Variants in WAC observed in about 807,000 individuals in gnomAD.
WAC encodes WW domain-containing adapter protein with coiled-coil.
Under a neutral mutation model 79.6 loss-of-function variants are expected in WAC, and 11 were observed. The ratio of observed to expected loss-of-function variants is 0.14; its 90% confidence interval spans 0.09 to 0.23. The LOEUF (loss-of-function observed/expected upper bound fraction) is 0.23. WAC is among the 10% of genes least tolerant of loss of function. The pLI is 1.00. For synonymous variants in WAC, 304 were observed against 276.9 expected (o/e 1.10, Z -0.97); for missense variants, 728 against 773.5 (o/e 0.94, Z 0.70).
At chr10:28,541,501 A>G (rs12776590) in intron 3 of WAC, among the ~76,000 whole-genome samples, 32,480 of 136,724 alleles carry the variant, frequency 0.24, 4,397 homozygotes, top group Admixed American at 0.29. Context: ...TCTCGATCTC[A>G]CCTCATTGCA....
Position 28,595,975 on chromosome 10 carries a change from G to T in WAC, c.853G>T (p.Ala285Ser). Residue 285 changes from alanine to serine, a missense_variant, in exon 7 of 14, where the codon GCA (alanine) becomes TCA (serine). This residue lies in a region of WAC where 648 missense variants were observed against 661.5 expected (regional missense o/e 0.98). Coordinates refer to ENST00000354911, the MANE Select transcript of WAC (RefSeq NM_016628.5). ...AAAGAAATCATTTGATGCTAATGGA[G>T]CATCTACTTTATCAAAACTGCCTAC... ...QPKKSFDANG[A>S]STLSKLPTPT... is the part of the protein sequence containing the mutation. The T allele has an allele frequency of 6.2e-7, 1 of 1,614,082 alleles. No individual in the cohort carries two copies. Among genetic ancestry groups the T allele is most frequent in the Non-Finnish European group, 8.5e-7 (1 of 1,180,000 alleles).
At chr10:28,606,917 C>CATTACTCTTTGCCAACATTTGGT (rs1430839824) in intron 7 of WAC, among the ~76,000 whole-genome samples, 16 of 152,158 alleles carry the variant, frequency 1.1e-4, no homozygotes, top group African/African-American at 3.6e-4. Context: ...TAAATGTTCT[C>CATTACTCTTTGCCAACATTTGGT]ATTACTCTTT....
intron 4 of WAC, chr10:28,589,364 G>C (rs950820423): frequency 1.9e-5 from 3 of 161,346 alleles, no homozygotes; most frequent in Admixed American, 6.3e-5. Context: ...ATTTAGAACT[G>C]ATGATTTCAT....
In WAC at chr10:28,620,602, CT is replaced by C. The variant is rs1841653910; in HGVS notation, c.*999del. 1 of 152,454 alleles carries C rather than the reference CT, an allele frequency of 6.6e-6. No homozygotes were observed. The highest frequency in any genetic ancestry group is 1.5e-5 in the Non-Finnish European group (1 of 68,022). The allele number at this position is 152,454 out of a possible 1,614,324, so 9.4% of individuals were successfully genotyped here. ...TTAGCATTTGAACTACCTGGGGATT[CT>C]TTATCAGAACTGTTCTTGTTGAATA... is the stretch of plus-strand genomic sequence containing the variant. On this transcript the variant is annotated 3_prime_UTR_variant, in exon 14 of 14. Transcript: ENST00000354911.
intron 3 of WAC, among the ~76,000 whole-genome samples, chr10:28,556,389 T>A (rs1046761310): frequency 9.1e-5 from 2 of 22,026 alleles, no homozygotes; most frequent in Non-Finnish European, 1.6e-4. Flanking sequence ...GCCCATTAAA[T>A]TTTTTTTTTT....
chr10:28,549,665 G>A (rs1026136351), intron 3 of WAC, among the ~76,000 whole-genome samples: 1 of 152,138 alleles, frequency 6.6e-6, no homozygotes, highest in African/African-American at 2.4e-5. Flanking sequence ...CTGAAAGCCT[G>A]AATTTTATAG....
intron 3 of WAC, among the ~76,000 whole-genome samples, chr10:28,541,049 A>G (rs1204307302): frequency 6.6e-6 from 1 of 152,102 alleles, no homozygotes; most frequent in Non-Finnish European, 1.5e-5. Flanking sequence ...ATTTAATGGT[A>G]TTTCTATTTT....
At chr10:28,590,655 G>A (rs1490379494) in intron 5 of WAC, 65 bp from the exon 6 acceptor site, 3 of 1,366,094 alleles carry the variant, frequency 2.2e-6, no homozygotes, top group Non-Finnish European at 3.0e-6. Flanking sequence ...GGCCAGAGCT[G>A]TTTAGTATGG....
At chr10:28,588,031 G>A (rs926395765) in intron 4 of WAC, among the ~76,000 whole-genome samples, 2 of 152,026 alleles carry the variant, frequency 1.3e-5, no homozygotes, top group African/African-American at 2.4e-5. Flanking sequence ...CCATCACTTG[G>A]AAGAGCACTG....
intron 3 of WAC, among the ~76,000 whole-genome samples, chr10:28,548,874 T>C (rs1295817178): frequency 6.6e-6 from 1 of 152,088 alleles, no homozygotes; most frequent in Non-Finnish European, 1.5e-5. Flanking sequence ...AGAAACTCAA[T>C]TTTTGTAGTT....
chr10:28,583,307 T>G, intron 3 of WAC, 92 bp from the exon 4 acceptor site: 2 of 892,414 alleles, frequency 2.2e-6, no homozygotes, highest in Non-Finnish European at 3.4e-6. Flanking sequence ...CGTTTAGAGA[T>G]ATAAAATAAT....
chr10:28,539,193 A>G (rs1167124237), intron 3 of WAC, among the ~76,000 whole-genome samples: 1 of 152,198 alleles, frequency 6.6e-6, no homozygotes, highest in Non-Finnish European at 1.5e-5. Flanking sequence ...AGTAATTACT[A>G]GATTTCTTAG....
intron 3 of WAC, among the ~76,000 whole-genome samples, chr10:28,555,257 C>T (rs777983118): frequency 1.4e-4 from 22 of 152,166 alleles, no homozygotes; most frequent in Admixed American, 6.5e-5. Context: ...AGGCCCTACA[C>T]GTTGTTAACT....
chr10:28,542,713 G>C (rs1837125522), intron 3 of WAC, among the ~76,000 whole-genome samples: 1 of 152,198 alleles, frequency 6.6e-6, no homozygotes, highest in African/African-American at 2.4e-5. Flanking sequence ...ATAGCTATTA[G>C]ATGTTTGAGC....
chr10:28,617,774 C>G lies in WAC; in HGVS notation c.1864C>G (p.Arg622Gly), dbSNP rs774496658. 2 of 1,583,746 alleles carry G rather than the reference C, an allele frequency of 1.3e-6. No homozygotes were observed. Among genetic ancestry groups the G allele is most frequent in the Admixed American group, 1.9e-5 (1 of 52,206 alleles). ...VRVCEIQATLREQRILFLRQQ... is the reference protein window; with the variant it reads ...VRVCEIQATLGEQRILFLRQQ... ...AGTATGTGAAATTCAAGCAACTTTG[C>G]GAGAGCAAAGGTAAGTCTTTCACTG... The change falls in exon 13 of 14, where the codon CGA (arginine) becomes GGA (glycine). Residue 622 changes from arginine (R) to glycine (G), a missense_variant. Arg to Gly is a moderately radical substitution (Grantham distance 125). This residue lies in a region of WAC where 66 missense variants were observed against 78.9 expected (regional missense o/e 0.84). Transcript: ENST00000354911.
At chr10:28,581,238 CTTTTTTTTTTTTTTTTTTTT>C (rs71391053) in intron 3 of WAC, among the ~76,000 whole-genome samples, 30 of 66,120 alleles carry the variant, frequency 4.5e-4, no homozygotes, top group African/African-American at 1.6e-3. Context: ...ATGAGCGATT[CTTTTTTTTTTTTTTTTTTTT>C]TTTTTTTTTT....
chr10:28,547,309 C>T (rs561819612), intron 3 of WAC, among the ~76,000 whole-genome samples: 19 of 152,102 alleles, frequency 1.2e-4, no homozygotes, highest in Middle Eastern at 6.8e-3. Flanking sequence ...GCAAGGTGGG[C>T]GGATCACCTG....
intron 3 of WAC, among the ~76,000 whole-genome samples, chr10:28,567,583 G>A (rs1838719178): frequency 6.6e-6 from 1 of 151,992 alleles, no homozygotes; most frequent in Non-Finnish European, 1.5e-5. Context: ...GGTGGCGCAG[G>A]GCTCCCTTCT....
At chr10:28,545,467 C>T (rs112464853) in intron 3 of WAC, among the ~76,000 whole-genome samples, 85 of 152,050 alleles carry the variant, frequency 5.6e-4, no homozygotes, top group Non-Finnish European at 1.1e-3. Flanking sequence ...GCAACAAGAG[C>T]GAAACTCCGT....
Sources: gnomAD v4.1 joint callset for allele counts (sites outside exome capture counted in the v4.1 genomes callset) on GRCh38, gnomAD v4.1.1 for gene constraint, gnomAD v4.1.1 regional missense constraint, MANE v1.5 for transcripts, NCBI Gene and HGNC (gene_info 2026-07-23, HGNC 2026-07-21) for gene names.